The following ANK3 variants were observed in gnomAD, a reference collection of about 807,000 sequenced individuals.
ANK3 encodes the protein ankyrin 3, also known as ankyrin-3.
Under a neutral mutation model 370.9 loss-of-function variants are expected in ANK3, and 57 were observed. The observed-to-expected ratio is 0.15, with a 90% CI of 0.12 to 0.19. The LOEUF (loss-of-function observed/expected upper bound fraction) is 0.19. Ranked by LOEUF, ANK3 falls within the 10% of genes least tolerant of loss-of-function variation. The pLI is 1.00. For synonymous variants in ANK3, 1,929 were observed against 1,946.3 expected (o/e 0.99, Z 0.23); for missense variants, 4,439 against 5,302.1 (o/e 0.84, Z 5.06).
chr10:60,171,924 A>G (rs533457061), intron 21 of ANK3, among the ~76,000 whole-genome samples: 1 of 152,344 alleles, frequency 6.6e-6, no homozygotes, highest in South Asian at 2.1e-4. Flanking sequence ...GTGCATTAAA[A>G]CATTTTTAAG....
At chr10:60,413,434 C>A (rs994856636) in intron 2 of ANK3, among the ~76,000 whole-genome samples, 2 of 152,200 alleles carry the variant, frequency 1.3e-5, no homozygotes, top group African/African-American at 2.4e-5. Context: ...ATTATACTGA[C>A]AATCTTCTCT....
intron 2 of ANK3, among the ~76,000 whole-genome samples, chr10:60,441,277 T>G (rs2064293293): frequency 1.3e-5 from 2 of 152,150 alleles, no homozygotes; most frequent in Admixed American, 1.3e-4. Flanking sequence ...TGAGAAAAAC[T>G]GCCAAATAGC....
intron 8 of ANK3, among the ~76,000 whole-genome samples, chr10:60,226,899 C>A (rs1407588186): frequency 6.6e-6 from 1 of 150,760 alleles, no homozygotes; most frequent in African/African-American, 2.4e-5. Context: ...ATATCATAGA[C>A]CTCACAATAG....
At chr10:60,085,912 G>A (rs998017082) in intron 30 of ANK3, among the ~76,000 whole-genome samples, 2 of 152,200 alleles carry the variant, frequency 1.3e-5, no homozygotes, top group Non-Finnish European at 2.9e-5. Context: ...ACCGCGCCCA[G>A]CCTCTTACTC....
rs138975531 is a variant in ANK3, at chr10:60,234,866, T to C, written c.799-80A>G. ...TCCTTTCTAAACTTCCCCCAACATA[T>C]CCCCATTTCCCCCTCTCCTTTTCTA... On this transcript the variant is annotated intron_variant, in intron 7 of 43. Coordinates refer to ENST00000280772, the MANE Select transcript of ANK3 (RefSeq NM_020987.5). The C allele has an allele frequency of 8.9e-4, 711 of 798,276 alleles. 2 individuals carry two copies. Among genetic ancestry groups the C allele is most frequent in the Middle Eastern group, 5.3e-3 (18 of 3,386 alleles). 49.4% of individuals were successfully genotyped at this position (798,276 alleles called of 1,614,324 possible).
intron 32 of ANK3, 95 bp downstream of exon 32, chr10:60,084,507 C>T: frequency 1.2e-6 from 1 of 855,808 alleles, no homozygotes; most frequent in Non-Finnish European, 1.8e-6. Flanking sequence ...CAATAATGCA[C>T]TTGGTATTTT....
intron 2 of ANK3, among the ~76,000 whole-genome samples, chr10:60,443,825 A>G (rs1346382010): frequency 6.6e-6 from 1 of 152,124 alleles, no homozygotes; most frequent in African/African-American, 2.4e-5. Context: ...AGGTTACTTC[A>G]CTGATTCTTT....
chr10:60,435,866 G>A (rs1182065045), intron 2 of ANK3, among the ~76,000 whole-genome samples: 4 of 152,080 alleles, frequency 2.6e-5, no homozygotes, highest in African/African-American at 4.8e-5. Context: ...TTGGGAGGCC[G>A]AGGCGGGCGG....
At chr10:60,598,104 C>A (rs969512898) in intron 2 of ANK3, among the ~76,000 whole-genome samples, 30 of 152,106 alleles carry the variant, frequency 2.0e-4, no homozygotes, top group African/African-American at 6.3e-4. Flanking sequence ...CAACTTACAG[C>A]ATCTTATTCT....
chr10:60,657,029 G>GGTTT, intron 1 of ANK3, among the ~76,000 whole-genome samples: 1 of 152,140 alleles, frequency 6.6e-6, no homozygotes, highest in Non-Finnish European at 1.5e-5. Flanking sequence ...AAAAGAAAGA[G>GGTTT]GTTTAATGGA....
intron 8 of ANK3, among the ~76,000 whole-genome samples, chr10:60,230,892 TAAA>T (rs34221364): frequency 2.1e-4 from 29 of 137,806 alleles, no homozygotes; most frequent in Non-Finnish European, 2.5e-4. Flanking sequence ...GACTCCATCT[TAAA>T]AAAAAAAAAA....
Position 60,105,910 on chromosome 10 carries a change from T to A in ANK3, c.3323A>T (p.Asp1108Val). 6.2e-7 allele frequency: 1 copy of A among 1,609,262 alleles called. No individual in the cohort carries two copies. Among genetic ancestry groups the A allele is most frequent in the Non-Finnish European group, 8.5e-7 (1 of 1,178,212 alleles). Residue 1108 changes from aspartate to valine, a missense_variant, in exon 28 of 44, where the codon GAT becomes GTT. Physicochemically the swap from Asp to Val is radical, Grantham distance 152 (BLOSUM62 -3). Around this residue, in one of 13 missense-constraint regions of ANK3, gnomAD observed 702 missense variants for 941.5 expected, o/e 0.75. Transcript: ENST00000280772. ...EDLTELLNGM[D>V]EELDSPEELG... ...CAAGGAGCCATCATTATTACCTTCATCCATGCCATTAAGTAACTCGGTTAA... is the reference window on the plus strand; with the variant it reads ...CAAGGAGCCATCATTATTACCTTCAACCATGCCATTAAGTAACTCGGTTAA...
At chr10:60,580,487 T>G (rs142583477) in intron 2 of ANK3, among the ~76,000 whole-genome samples, 15 of 152,298 alleles carry the variant, frequency 9.8e-5, no homozygotes, top group Middle Eastern at 3.4e-3. Context: ...ATAAAAGAAT[T>G]TTAAAATAAG....
At chr10:60,045,170 C>A (rs2131875211) in intron 42 of ANK3, among the ~76,000 whole-genome samples, 1 of 152,312 alleles carries the variant, frequency 6.6e-6, no homozygotes, top group African/African-American at 2.4e-5. Context: ...TTGGCTGTAA[C>A]ATATGGCAGT....
In ANK3 at chr10:60,076,345, T is replaced by A; in HGVS notation, c.4536A>T (p.Thr1512=). 1 of 1,614,090 alleles carries A rather than the reference T, an allele frequency of 6.2e-7. No homozygotes were observed. Among genetic ancestry groups the A allele is most frequent in the Non-Finnish European group, 8.5e-7 (1 of 1,179,978 alleles). The change falls in exon 37 of 44, where the codon ACA becomes ACT. Residue 1512 remains threonine (T), a synonymous_variant. Transcript: ENST00000280772. ...AGCCTGACTTGGCTGGCCCAGGCACTGTAATCGGAGCTGTTGTCCAGGACT... is the reference window on the plus strand; with the variant it reads ...AGCCTGACTTGGCTGGCCCAGGCACAGTAATCGGAGCTGTTGTCCAGGACT... ...PYQSWTTAPI[T]VPGPAKSGFT... is the part of the protein sequence containing the mutation.
At chr10:60,675,722 T>C (rs16915362) in intron 1 of ANK3, among the ~76,000 whole-genome samples, 7,987 of 152,292 alleles carry the variant, frequency 0.052, 294 homozygotes, top group African/African-American at 0.088. Flanking sequence ...TGCCTAGAAT[T>C]GTACACTAAA....
intron 2 of ANK3, among the ~76,000 whole-genome samples, chr10:60,419,471 C>T (rs867029759): frequency 6.6e-6 from 1 of 152,238 alleles, no homozygotes; most frequent in Middle Eastern, 3.4e-3. Context: ...ATAAAGAGCA[C>T]CTGGCCTCCT....
chr10:60,444,154 T>C (rs553017762), intron 2 of ANK3, among the ~76,000 whole-genome samples: 3 of 152,318 alleles, frequency 2.0e-5, no homozygotes, highest in Admixed American at 6.5e-5. Flanking sequence ...TATTTTTTTC[T>C]ACTTCTTACC....
intron 1 of ANK3, among the ~76,000 whole-genome samples, chr10:60,338,643 C>T (rs1267871144): frequency 6.6e-6 from 1 of 152,070 alleles, no homozygotes; most frequent in African/African-American, 2.4e-5. Context: ...TATTGCCTCC[C>T]CAATTCATCA....
Sources: allele counts gnomAD v4.1 joint callset (sites outside exome capture counted in the v4.1 genomes callset), GRCh38; gene constraint gnomAD v4.1.1; regional missense constraint gnomAD v4.1.1; transcripts MANE v1.5; gene names NCBI Gene and HGNC (gene_info 2026-07-23, HGNC 2026-07-21).